CA2: variants seen among roughly 807,000 people sequenced by gnomAD.
The protein encoded by CA2 is carbonate dehydratase II.
A neutral mutation model predicts 27.8 loss-of-function variants in CA2; 23 were observed. That is an observed-to-expected ratio of 0.83 (90% confidence interval 0.59 to 1.17). The LOEUF is 1.17. CA2 is among the 50% of genes most tolerant of loss of function. CA2 has a pLI of 0.00. For synonymous variants in CA2, 99 were observed against 114.9 expected, an observed-to-expected ratio of 0.86 and a Z score of 0.88; for missense variants, 300 against 314.7, an observed-to-expected ratio of 0.95 and a Z score of 0.35.
intron 3 of CA2, 55 bp downstream of exon 3, chr8:85,473,866 T>C: frequency 1.0e-6 from 1 of 979,152 alleles, no homozygotes; most frequent in Non-Finnish European, 1.7e-6. Context: ...AGTTGATATT[T>C]AGCATTAATT....
chr8:85,473,444 C>T, intron 2 of CA2: 2 of 607,330 alleles, frequency 3.3e-6, no homozygotes, highest in East Asian at 7.2e-5. Context: ...ATTCTCCAGA[C>T]AACGCATGTG....
In CA2 at chr8:85,465,198, A is replaced by G. The variant is rs961584370; in HGVS notation, c.35-74A>G. On this transcript the variant is annotated intron_variant, in intron 1 of 6. Coordinates refer to ENST00000285379, the MANE Select transcript of CA2 (RefSeq NM_000067.3). ...TGGAACTGAGCAGATTGGCTCCGGA[A>G]TGATTGCTCTTCTCTAGGGGTCTGG... 5 of 1,250,202 alleles carry G rather than the reference A, an allele frequency of 4.0e-6. No individual in the cohort carries two copies. The African/African-American group carries it at 7.4e-5, about 19-fold the overall frequency. The allele number at this position is 1,250,202 out of a possible 1,614,324, so 77.4% of individuals were successfully genotyped here.
chr8:85,477,996 A>G (rs907412210), intron 6 of CA2, among the ~76,000 whole-genome samples: 1 of 152,238 alleles, frequency 6.6e-6, no homozygotes, highest in African/African-American at 2.4e-5. Context: ...AACAGTCTTG[A>G]AAATGGTAAC....
rs114812027 is a variant in CA2 at position 85,475,400 on chromosome 8, A to G, written c.445-398A>G. Among the ~76,000 whole-genome samples, 865 of 137,852 alleles carry G rather than the reference A, an allele frequency of 6.3e-3. 10 individuals carry two copies. Among genetic ancestry groups the G allele is most frequent in the African/African-American group, 0.021 (809 of 37,802 alleles). The allele number at this position is 137,852 out of a possible 152,430, so 90.4% of individuals were successfully genotyped here. A position where few individuals can be genotyped will look rare whatever the true frequency, so the allele number is the denominator to read the frequency against. ...AAAAAAAAAAAAAAAAAAAAAAGCG[A>G]GAGTCAAGAGAGATTTGGGTTGCTG... On this transcript the variant is annotated intron_variant, in intron 4 of 6. Coordinates refer to ENST00000285379, the MANE Select transcript of CA2 (RefSeq NM_000067.3).
Position 85,481,471 on chromosome 8 carries a change from C to A in CA2, c.*682C>A, listed in dbSNP as rs905466814. On this transcript the variant is annotated 3_prime_UTR_variant, in exon 7 of 7. Transcript: ENST00000285379. The stretch of plus-strand genomic sequence containing the variant: ...ATAAATATTGTATTTTAGATATATT[C>A]TCTAATAAAATTCAGAATTCTATTC... 1.3e-5 allele frequency: 2 copies of A among 151,936 alleles called. No homozygotes were observed. Among genetic ancestry groups the A allele is most frequent in the African/African-American group, 2.4e-5 (1 of 41,362 alleles). 9.4% of individuals were successfully genotyped at this position (151,936 alleles called of 1,614,324 possible). A position where few individuals can be genotyped will look rare whatever the true frequency, so the allele number is the denominator to read the frequency against.
intron 2 of CA2, among the ~76,000 whole-genome samples, chr8:85,467,994 C>T (rs7002912): frequency 0.026 from 3,931 of 152,284 alleles, 180 homozygotes; most frequent in African/African-American, 0.09. Context: ...GAGGCCTGGT[C>T]CCTCTCCTGT....
At chr8:85,470,131 C>T (rs1367176766) in intron 2 of CA2, among the ~76,000 whole-genome samples, 2 of 152,098 alleles carry the variant, frequency 1.3e-5, no homozygotes, top group Non-Finnish European at 2.9e-5. Flanking sequence ...ATATAATTGC[C>T]ACATAGTTTA....
chr8:85,473,437 C>A (rs1288281887), intron 2 of CA2: 1 of 591,988 alleles, frequency 1.7e-6, no homozygotes, highest in East Asian at 3.8e-5. Flanking sequence ...AACATCCATT[C>A]TCCAGACAAC....
At chr8:85,477,873 T>C (rs1365046534) in intron 6 of CA2, among the ~76,000 whole-genome samples, 1 of 152,210 alleles carries the variant, frequency 6.6e-6, no homozygotes, top group African/African-American at 2.4e-5. Context: ...TGGATACAAA[T>C]GAGTTTTTCC....
rs1418778183 is a variant in CA2 at position 85,473,849 on chromosome 8, G to A, written c.351+38G>A. On this transcript the variant is annotated intron_variant, in intron 3 of 6. Coordinates refer to ENST00000285379, the MANE Select transcript of CA2 (RefSeq NM_000067.3). ...TTTTTTTTTCTTTCCAGGGAAAAAT[G>A]TTTATAAGTTGATATTTAGCATTAA... 2.7e-6 allele frequency: 3 copies of A among 1,106,248 alleles called. No individual in the cohort carries two copies. The African/African-American group carries it at 4.6e-5, about 17-fold the overall frequency. 68.5% of individuals were successfully genotyped at this position (1,106,248 alleles called of 1,614,324 possible).
intron 2 of CA2, among the ~76,000 whole-genome samples, chr8:85,466,070 T>A (rs978857323): frequency 1.3e-5 from 2 of 148,306 alleles, no homozygotes; most frequent in East Asian, 3.9e-4. Context: ...GGCCCATTAC[T>A]GACAAAACCA....
chr8:85,468,208 TGGACGAGAGTCCA>T (rs1399279736), intron 2 of CA2, among the ~76,000 whole-genome samples: 1 of 152,196 alleles, frequency 6.6e-6, no homozygotes, highest in Admixed American at 6.5e-5. Flanking sequence ...TTTGATGTCT[TGGACGAGAGTCCA>T]GGCAAAGGGA....
chr8:85,465,174 G>C, intron 1 of CA2, 98 bp from the exon 2 acceptor site: 1 of 943,422 alleles, frequency 1.1e-6, no homozygotes, highest in Non-Finnish European at 1.7e-6. Context: ...TTCTAAAATT[G>C]GAACTGAGCA....
At chr8:85,474,263 T>A in intron 3 of CA2, 61 bp from the exon 4 acceptor site, 1 of 1,194,226 alleles carries the variant, frequency 8.4e-7, no homozygotes, top group Admixed American at 1.7e-5. Flanking sequence ...GACCATTGAA[T>A]AAAATCTGTC....
Position 85,465,129 on chromosome 8 carries a change from G to A in CA2, c.35-143G>A, listed in dbSNP as rs1021446270. ...GTGGAAACTGAGGCACAGATTACGT[G>A]TTTTCCCAAAATTTAGCCCATTGTT... On this transcript the variant is annotated intron_variant, in intron 1 of 6. Coordinates refer to ENST00000285379, the MANE Select transcript of CA2 (RefSeq NM_000067.3). The A allele has an allele frequency of 3.1e-5, 20 of 644,458 alleles. No individual in the cohort carries two copies. In the Admixed American group the frequency reaches 5.0e-4, roughly 16 times the overall value. The allele number at this position is 644,458 out of a possible 1,614,324, so 39.9% of individuals were successfully genotyped here. A position where few individuals can be genotyped will look rare whatever the true frequency, so the allele number is the denominator to read the frequency against.
intron 1 of CA2, 73 bp from the exon 2 acceptor site, chr8:85,465,199 T>C: frequency 8.0e-7 from 1 of 1,254,928 alleles, no homozygotes; most frequent in South Asian, 1.2e-5. Context: ...GGCTCCGGAA[T>C]GATTGCTCTT....
At chr8:85,475,046 G>A (rs1177862923) in intron 4 of CA2, among the ~76,000 whole-genome samples, 2 of 152,066 alleles carry the variant, frequency 1.3e-5, no homozygotes, top group Non-Finnish European at 2.9e-5. Context: ...GGTGGCTTAA[G>A]CCTGTAATCC....
chr8:85,465,017 C>CAGTG, intron 1 of CA2: 1 of 475,118 alleles, frequency 2.1e-6, no homozygotes, highest in South Asian at 2.6e-5. Flanking sequence ...ATATAGCACT[C>CAGTG]AGTGATCTAA....
At chr8:85,468,899 C>T (rs1260014166) in intron 2 of CA2, among the ~76,000 whole-genome samples, 3 of 151,310 alleles carry the variant, frequency 2.0e-5, no homozygotes, top group Non-Finnish European at 4.4e-5. Context: ...AATAGAGATA[C>T]TCTAGTTAAA....
Sources: allele counts gnomAD v4.1 joint callset (sites outside exome capture counted in the v4.1 genomes callset), GRCh38; gene constraint gnomAD v4.1.1; transcripts MANE v1.5; gene names NCBI Gene and HGNC (gene_info 2026-07-23, HGNC 2026-07-21).